The following PYY variants were observed in gnomAD, a reference collection of about 807,000 sequenced individuals.
The protein encoded by PYY is peptide YY, also known as peptide tyrosine tyrosine.
PYY carries 12 observed loss-of-function variants against 10.3 expected under a neutral mutation model. The ratio of observed to expected loss-of-function variants is 1.17; its 90% CI spans 0.75 to 1.89. PYY has a LOEUF of 1.89. PYY is among the 40% of genes most tolerant of loss of function. The probability of loss-of-function intolerance (pLI) is 0.00; values close to 1 mark genes in which losing one functional copy is unlikely to be tolerated. For synonymous variants in PYY, 66 were observed against 62.0 expected (o/e 1.06, Z -0.30); for missense variants, 141 against 134.0 (o/e 1.05, Z -0.26).
chr17:43,962,579 G>A (rs1428986129), intron 2 of PYY, among the ~76,000 whole-genome samples: 1 of 152,238 alleles, frequency 6.6e-6, no homozygotes, highest in Non-Finnish European at 1.5e-5. Context: ...TTTAGTCACA[G>A]GGGTGCCCTC....
Position 43,953,313 on chromosome 17 carries a change from G to A in PYY, c.171C>T (p.Asn57=), listed in dbSNP as rs761099162. ...GCGCTCACCGCTGCCGGGTGACCAG[G>A]TTGAGGTAGTGGCGCAGGGAGGCGT... The part of the protein sequence containing the change: ...RYYASLRHYL[N]LVTRQRYGKR... The change falls in exon 2 of 4, where the codon AAC becomes AAT. Residue 57 remains asparagine (N), a synonymous_variant. Coordinates refer to ENST00000692052, the MANE Select transcript of PYY (RefSeq NM_001394028.1). The A allele has an allele frequency of 8.7e-6, 14 of 1,612,780 alleles. No homozygotes were observed. The African/African-American group carries it at 1.6e-4, about 18-fold the overall frequency.
At chr17:43,960,834 A>G (rs1353317640) in intron 2 of PYY, among the ~76,000 whole-genome samples, 13 of 141,828 alleles carry the variant, frequency 9.2e-5, no homozygotes, top group Non-Finnish European at 3.1e-5. Context: ...TGGGTGATAG[A>G]GTAAGACTCC....
At chr17:43,986,814 C>G (rs752568400) in intron 1 of PYY, among the ~76,000 whole-genome samples, 2 of 152,208 alleles carry the variant, frequency 1.3e-5, no homozygotes, top group Non-Finnish European at 2.9e-5. Context: ...TTCTCAACAC[C>G]AGCTGTCACA....
At chr17:43,969,685 C>T (rs1322734202) in intron 1 of PYY, among the ~76,000 whole-genome samples, 1 of 151,898 alleles carries the variant, frequency 6.6e-6, no homozygotes, top group Non-Finnish European at 1.5e-5. Flanking sequence ...GTAGGTATTG[C>T]TTGAAGCCAG....
At chr17:43,984,678 T>C (rs971470746) in intron 1 of PYY, among the ~76,000 whole-genome samples, 1 of 152,190 alleles carries the variant, frequency 6.6e-6, no homozygotes, top group African/African-American at 2.4e-5. Flanking sequence ...CACCTCCTCC[T>C]TTACAGGCGA....
intron 1 of PYY, 47 bp downstream of exon 1, chr17:43,953,803 C>T: frequency 4.1e-6 from 1 of 242,014 alleles, no homozygotes; most frequent in Non-Finnish European, 8.0e-6. Context: ...TCAGTTTCCC[C>T]ACAAAACAGC....
intron 1 of PYY, among the ~76,000 whole-genome samples, chr17:43,990,739 G>T (rs2048951291): frequency 6.7e-6 from 1 of 150,324 alleles, no homozygotes; most frequent in Non-Finnish European, 1.5e-5. Flanking sequence ...ACACTATGCA[G>T]TCACCTAAAA....
intron 1 of PYY, among the ~76,000 whole-genome samples, chr17:43,989,056 C>T (rs1220066016): frequency 3.5e-5 from 2 of 57,578 alleles, no homozygotes; most frequent in African/African-American, 1.2e-4. Context: ...GCCACCGCAC[C>T]CGGCCCTAGC....
At chr17:43,956,418 A>C (rs1314865080), upstream of PYY, among the ~76,000 whole-genome samples, 2 of 150,276 alleles carry the variant, frequency 1.3e-5, no homozygotes, top group African/African-American at 2.5e-5. Context: ...GGGCTCAGCC[A>C]CCCCCCGATC....
chr17:43,984,571 G>C (rs2048904158), intron 1 of PYY, among the ~76,000 whole-genome samples: 1 of 152,212 alleles, frequency 6.6e-6, no homozygotes, highest in African/African-American at 2.4e-5. Context: ...GAAACCTTAG[G>C]GCTTGCAGCT....
intron 1 of PYY, among the ~76,000 whole-genome samples, chr17:43,976,096 C>T (rs1343353302): frequency 9.7e-6 from 1 of 102,880 alleles, no homozygotes; most frequent in Admixed American, 1.1e-4. Context: ...CATGAATATG[C>T]ATATATACGT....
intron 1 of PYY, among the ~76,000 whole-genome samples, chr17:43,972,687 C>T (rs573917270): frequency 6.6e-6 from 1 of 152,034 alleles, no homozygotes; most frequent in African/African-American, 2.4e-5. Context: ...CACCACTATA[C>T]CCGGCTAATT....
chr17:43,983,795 C>A (rs1057303260), intron 1 of PYY, among the ~76,000 whole-genome samples: 8 of 152,220 alleles, frequency 5.3e-5, no homozygotes, highest in Non-Finnish European at 1.0e-4. Context: ...CGACCCCGAC[C>A]CCGCGCGAGT....
chr17:43,975,373 G>A (rs2048821527), intron 1 of PYY, among the ~76,000 whole-genome samples: 1 of 151,894 alleles, frequency 6.6e-6, no homozygotes, highest in East Asian at 1.9e-4. Context: ...ACTGTAAAAA[G>A]AGAATAGTAA....
rs188671798 is a variant in PYY, at chr17:43,993,737, T to G, written c.-463+10654A>C. On this transcript the variant is annotated intron_variant, in intron 1 of 6. Transcript: ENST00000360085. Reference sequence around the variant, plus strand: ...AGTGTAAAAAGAGCTTGAAAAGAAATAGACCAAAAGCAAACTGCAGCTGTA... The same window carrying G: ...AGTGTAAAAAGAGCTTGAAAAGAAAGAGACCAAAAGCAAACTGCAGCTGTA... Among the ~76,000 whole-genome samples, 120 of 152,176 alleles carry G rather than the reference T, an allele frequency of 7.9e-4. 1 individual carries two copies. Among genetic ancestry groups the G allele is most frequent in the Non-Finnish European group, 1.4e-3 (92 of 68,000 alleles).
chr17:43,993,979 C>T (rs2048974151), intron 1 of PYY, among the ~76,000 whole-genome samples: 1 of 151,916 alleles, frequency 6.6e-6, no homozygotes, highest in Non-Finnish European at 1.5e-5. Context: ...TCAGCCTGCC[C>T]AGTAGCTGGG....
At chr17:44,000,786 C>T (rs1309425097) in intron 1 of PYY, among the ~76,000 whole-genome samples, 1 of 151,894 alleles carries the variant, frequency 6.6e-6, no homozygotes, top group African/African-American at 2.4e-5. Context: ...AACTCCTGAC[C>T]TCAAGTGATC....
At chr17:43,969,865 C>T (rs1036898622) in intron 1 of PYY, among the ~76,000 whole-genome samples, 23 of 151,756 alleles carry the variant, frequency 1.5e-4, no homozygotes, top group Admixed American at 2.6e-4. Flanking sequence ...GCCTCAGCCT[C>T]CCGAGTAGCT....
chr17:43,971,526 T>C (rs2700827), intron 1 of PYY, among the ~76,000 whole-genome samples: 124,901 of 150,160 alleles, frequency 0.83, 52,318 homozygotes, highest in East Asian at 1. Flanking sequence ...GCCAAGATCA[T>C]GCCACCACAC....
Sources: allele counts gnomAD v4.1 joint callset (sites outside exome capture counted in the v4.1 genomes callset), GRCh38; gene constraint gnomAD v4.1.1; transcripts MANE v1.5; gene names NCBI Gene and HGNC (gene_info 2026-07-23, HGNC 2026-07-21).